GBE1: variants seen among roughly 807,000 people sequenced by gnomAD.
GBE1 encodes the protein 1,4-alpha-glucan branching enzyme 1, also known as 1,4-alpha-glucan-branching enzyme.
Under a neutral mutation model 88.8 loss-of-function variants are expected in GBE1, and 70 were observed. The ratio of observed to expected loss-of-function variants is 0.79; its 90% CI spans 0.65 to 0.96. The LOEUF (loss-of-function observed/expected upper bound fraction) is 0.96, where lower values mean the gene tolerates loss of function less well. GBE1 is among the 40% of genes least tolerant of loss of function. The probability of loss-of-function intolerance (pLI) is 0.00; values close to 1 mark genes in which losing one functional copy is unlikely to be tolerated. For synonymous variants in GBE1, 284 were observed against 300.1 expected, an observed-to-expected ratio of 0.95 and a Z score of 0.56; for missense variants, 872 against 871.0, an observed-to-expected ratio of 1.00 and a Z score of -0.01.
intron 12 of GBE1, among the ~76,000 whole-genome samples, chr3:81,561,904 C>A (rs553259460): frequency 6.6e-6 from 1 of 152,002 alleles, no homozygotes. Context: ...GGAGGTGAAA[C>A]GGATACTTTA....
intron 14 of GBE1, among the ~76,000 whole-genome samples, chr3:81,523,538 T>C (rs190511610): frequency 6.6e-6 from 1 of 151,746 alleles, no homozygotes; most frequent in Non-Finnish European, 1.5e-5. Flanking sequence ...TAGAATAAAT[T>C]ACTGTTGACT....
intron 14 of GBE1, among the ~76,000 whole-genome samples, chr3:81,512,784 G>C (rs1702742175): frequency 6.6e-6 from 1 of 151,786 alleles, no homozygotes; most frequent in Non-Finnish European, 1.5e-5. Flanking sequence ...AGGATAAGAT[G>C]GGTTAATGTA....
chr3:81,731,583 T>C (rs1183705188), intron 1 of GBE1, among the ~76,000 whole-genome samples: 1 of 152,188 alleles, frequency 6.6e-6, no homozygotes, highest in Non-Finnish European at 1.5e-5. Context: ...CAAATTGTAA[T>C]AATACCTAAT....
intron 15 of GBE1, among the ~76,000 whole-genome samples, chr3:81,492,542 G>A (rs1038085015): frequency 1.3e-5 from 2 of 151,634 alleles, no homozygotes; most frequent in Admixed American, 6.6e-5. Context: ...TGTACAAATT[G>A]AGAAAGTGAC....
intron 7 of GBE1, among the ~76,000 whole-genome samples, chr3:81,625,944 G>A (rs764998339): frequency 3.3e-5 from 5 of 152,274 alleles, no homozygotes; most frequent in East Asian, 1.9e-4. Context: ...TTTAAAAAGC[G>A]TAAATACTGA....
intron 9 of GBE1, among the ~76,000 whole-genome samples, chr3:81,589,647 C>T (rs1576160771): frequency 6.6e-6 from 1 of 151,864 alleles, no homozygotes; most frequent in African/African-American, 2.4e-5. Context: ...ATGGAAAGAT[C>T]AATGTAACAA....
chr3:81,556,565 G>A (rs1226440064), intron 12 of GBE1, among the ~76,000 whole-genome samples: 4 of 151,932 alleles, frequency 2.6e-5, no homozygotes, highest in East Asian at 1.9e-4. Context: ...TTCATAACTC[G>A]GGAGACATTC....
In GBE1 at chr3:81,541,441, C is replaced by T. The variant is rs544243105; in HGVS notation, c.1619-4346G>A. On this transcript the variant is annotated intron_variant, in intron 12 of 15. Transcript: ENST00000429644. ...CTACAGCATAAATAATGGTGATGGG[C>T]TGCAAGTTGCCCCCCCCGCCACCTC... Among the ~76,000 whole-genome samples, 243 of 149,460 alleles carry T rather than the reference C, an allele frequency of 1.6e-3. 1 individual carries two copies. Among genetic ancestry groups the T allele is most frequent in the Middle Eastern group, 0.01 (3 of 290 alleles).
At chr3:81,491,856 T>C (rs983908673) in intron 15 of GBE1, among the ~76,000 whole-genome samples, 1 of 152,196 alleles carries the variant, frequency 6.6e-6, no homozygotes, top group Admixed American at 6.5e-5. Context: ...GCATCTCAAC[T>C]CTACAAATGT....
intron 1 of GBE1, among the ~76,000 whole-genome samples, chr3:81,750,572 TATACGTATATATATAC>T (rs1706490995): frequency 1.6e-5 from 1 of 64,146 alleles, no homozygotes; most frequent in African/African-American, 9.1e-5. Context: ...TGTATATATA[TATACGTATATATATAC>T]GTATATATAT....
intron 2 of GBE1, among the ~76,000 whole-genome samples, chr3:81,675,160 T>TA (rs1225246777): frequency 6.6e-6 from 1 of 152,040 alleles, no homozygotes; most frequent in Non-Finnish European, 1.5e-5. Flanking sequence ...CTGCCCTAGT[T>TA]AAATTGATGT....
chr3:81,729,692 G>A (rs1216022397), intron 1 of GBE1, among the ~76,000 whole-genome samples: 1 of 152,124 alleles, frequency 6.6e-6, no homozygotes, highest in Non-Finnish European at 1.5e-5. Context: ...GATGAACACT[G>A]ATGGTCAATT....
chr3:81,562,575 A>T (rs1445012241), intron 12 of GBE1, among the ~76,000 whole-genome samples: 4 of 152,060 alleles, frequency 2.6e-5, no homozygotes, highest in African/African-American at 9.7e-5. Context: ...GGAGTATGAC[A>T]AAGTTTTAAA....
At position 81,578,022 on chromosome 3, in the gene GBE1, A is replaced by G. The variant is rs372821643; in HGVS notation, c.1521T>C (p.Thr507=). 2,795 of 1,610,794 alleles carry G rather than the reference A, an allele frequency of 1.7e-3. 1 individual carries two copies. The highest frequency in any genetic ancestry group is 2.2e-3 in the Non-Finnish European group (2,544 of 1,178,546). Residue 507 remains threonine (T), a synonymous_variant, in exon 12 of 16, where the codon ACT becomes ACC. Transcript: ENST00000429644. ...AEMYTNMSVL[T]PFTPVIDRGI... The stretch of plus-strand genomic sequence containing the variant: ...CACGATCAATAACTGGAGTAAAAGG[A>G]GTCAGGACACTCATGTTTGTATACA...
At chr3:81,553,038 T>C (rs1703294102) in intron 12 of GBE1, among the ~76,000 whole-genome samples, 1 of 152,236 alleles carries the variant, frequency 6.6e-6, no homozygotes, top group African/African-American at 2.4e-5. Flanking sequence ...CTTTTCATTG[T>C]ATCTGGCACT....
At chr3:81,728,675 G>C (rs1706144301) in intron 1 of GBE1, among the ~76,000 whole-genome samples, 1 of 151,974 alleles carries the variant, frequency 6.6e-6, no homozygotes. Flanking sequence ...GTGAAAAAAG[G>C]ACAAGAAGAA....
chr3:81,641,571 G>T (rs1019965061), intron 7 of GBE1, among the ~76,000 whole-genome samples: 21 of 152,076 alleles, frequency 1.4e-4, no homozygotes, highest in Non-Finnish European at 2.1e-4. Flanking sequence ...CTGAGAATAA[G>T]AATGATTAAT....
chr3:81,752,259 A>G (rs1266515269), intron 1 of GBE1, among the ~76,000 whole-genome samples: 1 of 152,240 alleles, frequency 6.6e-6, no homozygotes, highest in African/African-American at 2.4e-5. Context: ...TAATATGCAC[A>G]TATCATATGT....
At chr3:81,729,419 A>G (rs1342373195) in intron 1 of GBE1, among the ~76,000 whole-genome samples, 6 of 152,182 alleles carry the variant, frequency 3.9e-5, no homozygotes, top group Non-Finnish European at 7.4e-5. Flanking sequence ...CCACTCAGTG[A>G]CAGCCTCTCC....
Sources: allele counts gnomAD v4.1 joint callset (sites outside exome capture counted in the v4.1 genomes callset), GRCh38; gene constraint gnomAD v4.1.1; transcripts MANE v1.5; gene names NCBI Gene and HGNC (gene_info 2026-07-23, HGNC 2026-07-21).